The following GLI2 variants were observed in gnomAD, a reference collection of about 807,000 sequenced individuals.
GLI2 encodes transcription activator GLI2.
In GLI2, 22 loss-of-function variants were observed where a neutral mutation model predicts 78.9. The observed-to-expected ratio is 0.28, with a 90% CI of 0.20 to 0.40. The LOEUF (loss-of-function observed/expected upper bound fraction) is 0.40, where lower values mean the gene tolerates loss of function less well. Ranked by LOEUF, GLI2 falls within the 10% of genes least tolerant of loss-of-function variation. The probability of loss-of-function intolerance (pLI) is 1.00; values close to 1 mark genes in which losing one functional copy is unlikely to be tolerated. For missense variants in GLI2, 2,097 were observed against 2,213.2 expected, an observed-to-expected ratio of 0.95 and a Z score of 1.05; for synonymous variants, 974 against 963.7, an observed-to-expected ratio of 1.01 and a Z score of -0.20.
chr2:120,986,401 C>T lies in GLI2; in HGVS notation c.2029C>T (p.Leu677=), dbSNP rs1682977283. The change falls in exon 13 of 14, where the codon CTG becomes TTG. Residue 677 remains leucine (L), a synonymous_variant. Transcript: ENST00000361492. ...GACGGGGCCCGGGAGCCTGGGAGACCTGACGGCACTGGATGACACACCCCC... is the reference window on the plus strand; with the variant it reads ...GACGGGGCCCGGGAGCCTGGGAGACTTGACGGCACTGGATGACACACCCCC... ...PGTGPGSLGD[L]TALDDTPPGA... The T allele has an allele frequency of 1.9e-6, 3 of 1,613,622 alleles. No individual in the cohort carries two copies. The highest frequency in any genetic ancestry group is 2.2e-5 in the South Asian group (2 of 91,076).
intron 2 of GLI2, among the ~76,000 whole-genome samples, chr2:120,920,096 C>T (rs17005394): frequency 0.039 from 5,927 of 152,334 alleles, 353 homozygotes; most frequent in African/African-American, 0.13. Flanking sequence ...AATTCCCTCC[C>T]GCAGTCTTGA....
intron 3 of GLI2, among the ~76,000 whole-genome samples, chr2:120,947,198 A>C (rs532757131): frequency 7.2e-5 from 11 of 152,134 alleles, no homozygotes; most frequent in Non-Finnish European, 1.3e-4. Context: ...GTCATCAAGA[A>C]CGCCCACTTC....
chr2:120,985,626 G>A (rs1043244734), intron 12 of GLI2, among the ~76,000 whole-genome samples: 1 of 152,206 alleles, frequency 6.6e-6, no homozygotes, highest in Non-Finnish European at 1.5e-5. Context: ...AATGAGCCCA[G>A]AGGTGGTGGT....
chr2:120,921,794 C>T (rs1383136436), intron 2 of GLI2, among the ~76,000 whole-genome samples: 1 of 152,186 alleles, frequency 6.6e-6, no homozygotes, highest in Non-Finnish European at 1.5e-5. Context: ...TCCCAAGGTT[C>T]TTCCCATGGC....
Position 120,827,035 on chromosome 2 carries a change from T to A in GLI2, c.148+29567T>A, listed in dbSNP as rs551260822. ...TGACTCCCATGGGTCCATGAGGGAC[T>A]GCTGTGTCCCCAGCTCCTAGAACAG... On this transcript the variant is annotated intron_variant, in intron 2 of 13. Transcript: ENST00000361492. Among the ~76,000 whole-genome samples, 12 of 152,338 alleles carry A rather than the reference T, an allele frequency of 7.9e-5. 1 individual carries two copies. The South Asian group carries it at 2.5e-3, about 32-fold the overall frequency.
In GLI2 at chr2:120,737,019, A is replaced by G. The variant is rs1431322102; in HGVS notation, c.-31+734A>G. Among the ~76,000 whole-genome samples, 1 of 150,536 alleles carries G rather than the reference A, an allele frequency of 6.6e-6. No homozygotes were observed. Among genetic ancestry groups the G allele is most frequent in the African/African-American group, 2.4e-5 (1 of 40,934 alleles). ...CACTTTCATCCCTGCCCCCCTACTC[A>G]TCGTCTCTCCCCACCCCCGACAATC... On this transcript the variant is annotated intron_variant, in intron 1 of 13. Transcript: ENST00000361492. This position sits in a 1 kb window ranked among gnomAD's most constrained non-coding sequence, Gnocchi z 4.3.
At chr2:120,890,169 G>C (rs1463725096) in intron 2 of GLI2, among the ~76,000 whole-genome samples, 1 of 152,202 alleles carries the variant, frequency 6.6e-6, no homozygotes, top group Non-Finnish European at 1.5e-5. Context: ...CAATTTGGCT[G>C]AATCTTCGGG....
intron 2 of GLI2, among the ~76,000 whole-genome samples, chr2:120,908,727 A>T (rs1678665573): frequency 6.6e-6 from 1 of 152,184 alleles, no homozygotes; most frequent in South Asian, 2.1e-4. Context: ...TTTAGGGGAA[A>T]CCAATGTTAT....
At chr2:120,919,326 A>G (rs1196495579) in intron 2 of GLI2, among the ~76,000 whole-genome samples, 3 of 152,246 alleles carry the variant, frequency 2.0e-5, no homozygotes, top group Non-Finnish European at 2.9e-5. Flanking sequence ...GCCCTTCTCC[A>G]GTCATCCCAG....
chr2:120,964,503 G>A (rs1573688818), intron 5 of GLI2, among the ~76,000 whole-genome samples: 1 of 152,252 alleles, frequency 6.6e-6, no homozygotes, highest in African/African-American at 2.4e-5. Flanking sequence ...GCTGTGCTAG[G>A]GGTGGAGTTT....
intron 3 of GLI2, among the ~76,000 whole-genome samples, chr2:120,936,068 C>T (rs1048120600): frequency 1.3e-5 from 2 of 152,100 alleles, no homozygotes; most frequent in Non-Finnish European, 2.9e-5. Flanking sequence ...TCCTGTCCCT[C>T]GGGGTCCCCA....
chr2:120,954,978 T>C (rs947540500), intron 4 of GLI2, among the ~76,000 whole-genome samples: 11 of 151,678 alleles, frequency 7.3e-5, no homozygotes, highest in African/African-American at 2.7e-4. Flanking sequence ...TAGGGAGAGA[T>C]TGTTTATGAG....
At chr2:120,878,571 A>G (rs1274197361) in intron 2 of GLI2, among the ~76,000 whole-genome samples, 1 of 152,238 alleles carries the variant, frequency 6.6e-6, no homozygotes, top group Non-Finnish European at 1.5e-5. Flanking sequence ...ACACAGTATA[A>G]AAGTTATTTT....
At chr2:120,897,449 G>A (rs1161810928) in intron 2 of GLI2, among the ~76,000 whole-genome samples, 3 of 152,202 alleles carry the variant, frequency 2.0e-5, no homozygotes, top group East Asian at 1.9e-4. Context: ...ACAATGGCTC[G>A]ACTTTACTGT....
At chr2:120,785,761 C>G (rs1028513901) in intron 1 of GLI2, among the ~76,000 whole-genome samples, 5 of 152,246 alleles carry the variant, frequency 3.3e-5, no homozygotes, top group South Asian at 2.1e-4. Context: ...ATTCCTGTCT[C>G]CATCCAATCA....
At chr2:120,988,076 GC>G (rs1249835542) in intron 13 of GLI2, 131 bp from the exon 14 acceptor site, 3 of 711,100 alleles carry the variant, frequency 4.2e-6, no homozygotes, top group East Asian at 3.0e-5. Flanking sequence ...GAGAAAGAAA[GC>G]ATGCATCTCC....
chr2:120,911,232 T>A (rs186889159), intron 2 of GLI2, among the ~76,000 whole-genome samples: 1 of 152,354 alleles, frequency 6.6e-6, no homozygotes, highest in Admixed American at 6.5e-5. Context: ...AGATTAGCCA[T>A]TTGACTGAAC....
chr2:120,763,698 C>T (rs577771648), intron 1 of GLI2, among the ~76,000 whole-genome samples: 5 of 152,360 alleles, frequency 3.3e-5, no homozygotes, highest in South Asian at 2.1e-4. Flanking sequence ...CAAGAAGCCA[C>T]GCCCTGTAGC....
At chr2:120,869,917 C>T (rs1325639383) in intron 2 of GLI2, among the ~76,000 whole-genome samples, 2 of 152,152 alleles carry the variant, frequency 1.3e-5, no homozygotes, top group Non-Finnish European at 2.9e-5. Flanking sequence ...GTCCAGAGGG[C>T]TCTGCAGGGT....
Sources: gnomAD v4.1 joint callset for allele counts (sites outside exome capture counted in the v4.1 genomes callset) on GRCh38, gnomAD v4.1.1 for gene constraint, Gnocchi (gnomAD v3.1) non-coding constraint, MANE v1.5 for transcripts, NCBI Gene and HGNC (gene_info 2026-07-23, HGNC 2026-07-21) for gene names.